TRIP11: variants seen among roughly 807,000 people sequenced by gnomAD.
TRIP11 encodes the protein thyroid hormone receptor interactor 11, also known as thyroid receptor-interacting protein 11.
A neutral mutation model predicts 223.1 loss-of-function variants in TRIP11; 148 were observed. The observed-to-expected ratio is 0.66, with a 90% confidence interval of 0.58 to 0.76. TRIP11 has a LOEUF of 0.76. TRIP11 is among the 30% of genes least tolerant of loss of function. TRIP11 has a pLI of 0.00. For missense variants in TRIP11, 2,043 were observed against 2,222.0 expected, an observed-to-expected ratio of 0.92 and a Z score of 1.62; for synonymous variants, 762 against 772.6, an observed-to-expected ratio of 0.99 and a Z score of 0.23.
chr14:91,998,576 TAC>T, intron 13 of TRIP11, among the ~76,000 whole-genome samples: 2 of 151,978 alleles, frequency 1.3e-5, no homozygotes, highest in Middle Eastern at 6.8e-3. Context: ...ATATAATGTA[TAC>T]ACACAGACAT....
At chr14:92,001,569 A>G (rs1215642179) in intron 11 of TRIP11, among the ~76,000 whole-genome samples, 4 of 152,236 alleles carry the variant, frequency 2.6e-5, no homozygotes, top group Non-Finnish European at 4.4e-5. Context: ...AATTACCCTC[A>G]AGTAATACAA....
At chr14:91,992,969 G>T (rs114088202) in intron 15 of TRIP11, among the ~76,000 whole-genome samples, 2,520 of 137,848 alleles carry the variant, frequency 0.018, 67 homozygotes, top group African/African-American at 0.055. Flanking sequence ...CTAAAAGCAC[G>T]TTGTTTTGGT....
In TRIP11 at chr14:92,004,981, CTT is replaced by C. The variant is rs1566859649; in HGVS notation, c.2993_2994del (p.Lys998SerfsTer5). On this transcript the variant is annotated frameshift_variant, in exon 11 of 21. Transcript: ENST00000267622. LOFTEE classifies it high-confidence loss of function. ...TDNSDIFQET[K>X]VQSLNIENGS... ...CCATTTTCTATATTAAGGCTCTGAA[CTT>C]TTGTTTCTTGAAAAATATCAGAGTT... The C allele has an allele frequency of 6.2e-7, 1 of 1,613,692 alleles. No homozygotes were observed. Among genetic ancestry groups the C allele is most frequent in the Non-Finnish European group, 8.5e-7 (1 of 1,179,956 alleles).
chr14:92,038,646 C>A (rs2057349438), intron 1 of TRIP11, among the ~76,000 whole-genome samples: 1 of 151,670 alleles, frequency 6.6e-6, no homozygotes, highest in African/African-American at 2.4e-5. Flanking sequence ...AAAAACTAAG[C>A]CAGAATACTA....
In TRIP11 at chr14:91,993,854, C is replaced by T; in HGVS notation, c.5115G>A (p.Trp1705Ter). 1 of 1,613,824 alleles carries T rather than the reference C, an allele frequency of 6.2e-7. No individual in the cohort carries two copies. The highest frequency in any genetic ancestry group is 8.5e-7 in the Non-Finnish European group (1 of 1,179,948). Residue 1705 changes from tryptophan to a stop codon, truncating the protein, a stop_gained, in exon 15 of 21, where the codon TGG (tryptophan) becomes TGA (stop). Transcript: ENST00000267622. LOFTEE classifies it high-confidence loss of function. ...CTTCCAGATTTTCTGCGTTTTTCTTCCATTCAGCTATAAGCTGTTTTTGCT... is the reference window on the plus strand; with the variant it reads ...CTTCCAGATTTTCTGCGTTTTTCTTTCATTCAGCTATAAGCTGTTTTTGCT... ...LEKQKQLIAE[W>*]KKNAENLEGK...
At chr14:92,007,241 G>C (rs1244507892) in intron 10 of TRIP11, among the ~76,000 whole-genome samples, 1 of 151,326 alleles carries the variant, frequency 6.6e-6, no homozygotes, top group Non-Finnish European at 1.5e-5. Context: ...GACCAGGCTG[G>C]TCTTGAACTC....
chr14:92,038,052 G>A (rs2057342578), intron 1 of TRIP11, among the ~76,000 whole-genome samples: 1 of 152,116 alleles, frequency 6.6e-6, no homozygotes, highest in Non-Finnish European at 1.5e-5. Flanking sequence ...AGAATAAGGA[G>A]TAATAAAGCA....
At chr14:92,014,090 G>T in intron 7 of TRIP11, 125 bp downstream of exon 7, 1 of 1,343,112 alleles carries the variant, frequency 7.4e-7, no homozygotes, top group Non-Finnish European at 1.0e-6. Context: ...CTACCCAAAT[G>T]ACACACAGTC....
At chr14:92,033,743 A>G (rs2057294127) in intron 1 of TRIP11, among the ~76,000 whole-genome samples, 1 of 152,006 alleles carries the variant, frequency 6.6e-6, no homozygotes, top group Non-Finnish European at 1.5e-5. Context: ...TTAGAGGCAC[A>G]CTCTTTTCCA....
At chr14:91,977,342 C>T in intron 16 of TRIP11, 1 of 390,408 alleles carries the variant, frequency 2.6e-6, no homozygotes, top group South Asian at 1.9e-5. Context: ...AGAAACTATA[C>T]CTAACCCAAC....
rs17127786 is a variant in TRIP11 at position 91,969,328 on chromosome 14, A to G, written c.*345T>C. 4,344 of 349,120 alleles carry G rather than the reference A, an allele frequency of 0.012. 182 individuals carry two copies. The highest frequency in any genetic ancestry group is 0.082 in the African/African-American group (3,961 of 48,282). The allele number at this position is 349,120 out of a possible 1,614,324, so 21.6% of individuals were successfully genotyped here. A position where few individuals can be genotyped will look rare whatever the true frequency, so the allele number is the denominator to read the frequency against. On this transcript the variant is annotated 3_prime_UTR_variant, in exon 21 of 21. Coordinates refer to ENST00000267622, the MANE Select transcript of TRIP11 (RefSeq NM_004239.4). ...ACTCTCTTGATAAACCACAATCTCTAGCTTAAATGAGCTTGGAAATCACAA... is the reference window on the plus strand; with the variant it reads ...ACTCTCTTGATAAACCACAATCTCTGGCTTAAATGAGCTTGGAAATCACAA...
intron 2 of TRIP11, among the ~76,000 whole-genome samples, chr14:92,027,773 G>C (rs2057208275): frequency 1.3e-5 from 2 of 152,210 alleles, no homozygotes; most frequent in Non-Finnish European, 2.9e-5. Context: ...TTTCACTTTG[G>C]GGATGTCATT....
chr14:92,023,481 T>C (rs1321422739), intron 3 of TRIP11, among the ~76,000 whole-genome samples: 2 of 152,234 alleles, frequency 1.3e-5, no homozygotes, highest in East Asian at 3.8e-4. Flanking sequence ...ACAAAGCTTG[T>C]GTTCAGTACT....
In TRIP11 at chr14:91,969,778, A is replaced by AT; in HGVS notation, c.5834dup (p.His1945GlnfsTer22). ...CATCTGAGATGGGTTTCAGAAGAAG[A>AT]TGCCCGGGCCCACCAGGTCCAAGTC... is the stretch of plus-strand genomic sequence containing the variant. On this transcript the variant is annotated frameshift_variant, in exon 21 of 21. Transcript: ENST00000267622. LOFTEE classifies it high-confidence loss of function. 1 of 1,614,166 alleles carries AT rather than the reference A, an allele frequency of 6.2e-7. No homozygotes were observed. Among genetic ancestry groups the AT allele is most frequent in the Non-Finnish European group, 8.5e-7 (1 of 1,180,030 alleles).
intron 13 of TRIP11, among the ~76,000 whole-genome samples, chr14:91,997,411 G>A (rs986960533): frequency 2.0e-5 from 3 of 152,144 alleles, no homozygotes; most frequent in Admixed American, 1.3e-4. Context: ...AGGACACGTC[G>A]ACAATTACCT....
chr14:92,015,012 T>C (rs551314569), intron 6 of TRIP11, among the ~76,000 whole-genome samples: 3 of 151,616 alleles, frequency 2.0e-5, no homozygotes, highest in Admixed American at 1.3e-4. Flanking sequence ...CAAGTGATCC[T>C]CCCACCTCAG....
At chr14:91,997,276 T>A (rs1396427447) in intron 13 of TRIP11, among the ~76,000 whole-genome samples, 2 of 152,138 alleles carry the variant, frequency 1.3e-5, no homozygotes, top group African/African-American at 4.8e-5. Flanking sequence ...GAGTTACTCA[T>A]ACAACAAGTA....
At chr14:91,979,454 A>G (rs1003385700) in intron 16 of TRIP11, among the ~76,000 whole-genome samples, 1 of 152,160 alleles carries the variant, frequency 6.6e-6, no homozygotes, top group Admixed American at 6.5e-5. Flanking sequence ...CTTGATGAAA[A>G]CTTACTAAGA....
chr14:92,021,981 C>T lies in TRIP11; in HGVS notation c.313-150G>A, dbSNP rs1485054089. On this transcript the variant is annotated intron_variant, in intron 3 of 20. Coordinates refer to ENST00000267622, the MANE Select transcript of TRIP11 (RefSeq NM_004239.4). ...TCAACTGAATCTAAGTCTTATATAA[C>T]ATTCTAACCATAACATTTTTATTTA... 3.9e-6 allele frequency: 3 copies of T among 773,226 alleles called. No homozygotes were observed. The African/African-American group carries it at 5.3e-5, about 14-fold the overall frequency. The allele number at this position is 773,226 out of a possible 1,614,324, so 47.9% of individuals were successfully genotyped here. A position where few individuals can be genotyped will look rare whatever the true frequency, so the allele number is the denominator to read the frequency against.
Sources: gnomAD v4.1 joint callset for allele counts (sites outside exome capture counted in the v4.1 genomes callset) on GRCh38, gnomAD v4.1.1 for gene constraint, MANE v1.5 for transcripts, NCBI Gene and HGNC (gene_info 2026-07-23, HGNC 2026-07-21) for gene names.